Variants in LCT observed in about 807,000 individuals in gnomAD.
LCT encodes lactase/phlorizin hydrolase.
Under a neutral mutation model 173.0 loss-of-function variants are expected in LCT, and 90 were observed. The ratio of observed to expected loss-of-function variants is 0.52; its 90% CI spans 0.44 to 0.62. The LOEUF (loss-of-function observed/expected upper bound fraction) is 0.62. Ranked by LOEUF, LCT falls within the 20% of genes least tolerant of loss-of-function variation. The pLI is 0.00. For missense variants in LCT, 1,864 were observed against 2,431.4 expected, an observed-to-expected ratio of 0.77 and a Z score of 4.91; for synonymous variants, 853 against 957.6, an observed-to-expected ratio of 0.89 and a Z score of 2.02.
At chr2:135,792,359 T>C (rs759925899) in intron 14 of LCT, among the ~76,000 whole-genome samples, 1 of 152,130 alleles carries the variant, frequency 6.6e-6, no homozygotes, top group African/African-American at 2.4e-5. Flanking sequence ...GCTCAACTTA[T>C]TAATTTCAAC....
chr2:135,830,546 G>C (rs547938124), intron 2 of LCT, among the ~76,000 whole-genome samples: 1 of 152,326 alleles, frequency 6.6e-6, no homozygotes, highest in South Asian at 2.1e-4. Context: ...TGAATGCCTA[G>C]TGTTCCATTA....
intron 2 of LCT, among the ~76,000 whole-genome samples, chr2:135,831,893 T>TAA (rs2077944053): frequency 6.6e-6 from 1 of 152,206 alleles, no homozygotes; most frequent in African/African-American, 2.4e-5. Flanking sequence ...AGCTGTTCAC[T>TAA]TCCCAGATTA....
chr2:135,796,514 C>A (rs2077583841), intron 13 of LCT, among the ~76,000 whole-genome samples: 1 of 152,226 alleles, frequency 6.6e-6, no homozygotes, highest in Non-Finnish European at 1.5e-5. Flanking sequence ...ACCTCTAGGC[C>A]TGTCTTCACA....
chr2:135,795,357 G>A (rs998875043), intron 13 of LCT, among the ~76,000 whole-genome samples: 2 of 151,904 alleles, frequency 1.3e-5, no homozygotes, highest in African/African-American at 2.4e-5. Flanking sequence ...ACAAGCGCCT[G>A]CCACAACTCC....
In LCT at chr2:135,798,061, G is replaced by C; in HGVS notation, c.4944C>G (p.Asp1648Glu). ...TGTTGAGGCCTGCAGCCAAGCTCCT[G>C]TCACGGATCCGCGTCTTCATCACCT... The part of the protein sequence containing the change: ...YNEVMKTRIR[D>E]RSLAAGLNKS... The change falls in exon 13 of 17, where the codon GAC (aspartate) becomes GAG (glutamate). Residue 1648 changes from aspartate to glutamate, a missense_variant. Physicochemically the swap from Asp to Glu is conservative, Grantham distance 45 (BLOSUM62 2). Around this residue, in one of 4 missense-constraint regions of LCT, gnomAD observed 514 missense variants for 750.1 expected, o/e 0.69. Transcript: ENST00000264162. The C allele has an allele frequency of 6.2e-7, 1 of 1,612,386 alleles. No homozygotes were observed. The highest frequency in any genetic ancestry group is 1.1e-5 in the South Asian group (1 of 91,040).
rs942546288 is a variant in LCT at position 135,809,467 on chromosome 2, A to G, written c.2880T>C (p.Asp960=). Residue 960 remains aspartate, a synonymous_variant, in exon 8 of 17, where the codon GAT becomes GAC. Transcript: ENST00000264162. The surrounding 1 kb of genome is among the most constrained non-coding windows in gnomAD (Gnocchi z 5.5). ...DIACDSYHQL[D]ADLNMLRALK... is the part of the protein sequence containing the mutation. The stretch of plus-strand genomic sequence containing the variant: ...AAGCTCGGAGCATATTCAGATCGGC[A>G]TCCAGCTGGTGATAGCTGTCACAGG... 1.9e-6 allele frequency: 3 copies of G among 1,614,124 alleles called. No individual in the cohort carries two copies. The African/African-American group carries it at 4.0e-5, about 22-fold the overall frequency.
chr2:135,798,738 G>T (rs890377075), intron 12 of LCT, among the ~76,000 whole-genome samples: 2 of 152,220 alleles, frequency 1.3e-5, no homozygotes, highest in Admixed American at 6.5e-5. Flanking sequence ...GATGCTGGGG[G>T]TTTGAGAGCC....
intron 6 of LCT, among the ~76,000 whole-genome samples, chr2:135,816,563 A>G (rs2077782770): frequency 1.3e-5 from 2 of 152,204 alleles, no homozygotes; most frequent in Non-Finnish European, 2.9e-5. Flanking sequence ...GCTCTGATCA[A>G]ATTCCACCCT....
rs1379648021 is a variant in LCT at position 135,822,015 on chromosome 2, A to G, written c.986+5T>C. On this transcript the variant is annotated splice_donor_5th_base_variant and intron_variant, in intron 5 of 16. Transcript: ENST00000264162. ...TTGATAGTTCAATAGGCAACCTGAC[A>G]TTACCTTTTCTTGGAACTTGATGAA... 1.9e-6 allele frequency: 3 copies of G among 1,550,414 alleles called. No individual in the cohort carries two copies. The highest frequency in any genetic ancestry group is 1.4e-5 in the African/African-American group (1 of 73,628).
chr2:135,824,418 G>A (rs1393204438), intron 3 of LCT, among the ~76,000 whole-genome samples: 1 of 152,174 alleles, frequency 6.6e-6, no homozygotes, highest in Non-Finnish European at 1.5e-5. Context: ...GTGCATGCCT[G>A]TAGTTCCAGC....
At chr2:135,817,123 G>A (rs1166942777) in intron 6 of LCT, among the ~76,000 whole-genome samples, 1 of 152,000 alleles carries the variant, frequency 6.6e-6, no homozygotes, top group African/African-American at 2.4e-5. Flanking sequence ...TGCCTGCCTT[G>A]GCCTCCCACA....
rs55900419 is a variant in LCT, at chr2:135,835,482, GTATATATATATATA to G, written c.640+1034_640+1047del. 2.2e-3 allele frequency among the ~76,000 whole-genome samples: 150 copies of G among 67,966 alleles called. 3 individuals carry two copies. The highest frequency in any genetic ancestry group is 6.4e-3 in the South Asian group (14 of 2,180). The allele number at this position is 67,966 out of a possible 152,430, so 44.6% of individuals were successfully genotyped here. A position where few individuals can be genotyped will look rare whatever the true frequency, so the allele number is the denominator to read the frequency against. ...TAAAATGAAAAAGTAGAACATAGAA[GTATATATATATATA>G]TATATATATATATATATATATATAT... On this transcript the variant is annotated intron_variant, in intron 1 of 16. Transcript: ENST00000264162.
intron 16 of LCT, among the ~76,000 whole-genome samples, chr2:135,788,951 A>AAT (rs2077512756): frequency 6.6e-6 from 1 of 152,228 alleles, no homozygotes; most frequent in Non-Finnish European, 1.5e-5. Flanking sequence ...AATTCTATAC[A>AAT]ATATGTTAAA....
At chr2:135,832,744 A>T (rs1639042150) in intron 2 of LCT, among the ~76,000 whole-genome samples, 1 of 152,032 alleles carries the variant, frequency 6.6e-6, no homozygotes, top group South Asian at 2.1e-4. Flanking sequence ...TCCGCCTCCC[A>T]AAGTGCTGGG....
chr2:135,834,777 G>A (rs1305063085), intron 1 of LCT, among the ~76,000 whole-genome samples: 3 of 51,758 alleles, frequency 5.8e-5, no homozygotes, highest in South Asian at 1.1e-3. Flanking sequence ...AAAAGAGTGA[G>A]ACTCCATCTC....
chr2:135,793,383 A>G (rs557242387), intron 14 of LCT, among the ~76,000 whole-genome samples: 1 of 152,208 alleles, frequency 6.6e-6, no homozygotes, highest in Non-Finnish European at 1.5e-5. Context: ...CAATCACTGC[A>G]GTCTGGCTCT....
intron 5 of LCT, among the ~76,000 whole-genome samples, chr2:135,819,834 C>G (rs2077813180): frequency 6.6e-6 from 1 of 152,186 alleles, no homozygotes; most frequent in South Asian, 2.1e-4. Flanking sequence ...TCTTACCCAG[C>G]CCTCCTGGCC....
In LCT at chr2:135,803,988, C is replaced by T. The variant is rs776345874; in HGVS notation, c.4605G>A (p.Thr1535=). The change falls in exon 11 of 17, where the codon ACG becomes ACA. Residue 1535 remains threonine, a synonymous_variant. Transcript: ENST00000264162. ...RLGDKVKFWI[T]LNEPFVIAYQ... ...AAGCAATGACAAAGGGCTCATTCAG[C>T]GTGATCCAAAACTTCACCTTGTCTC... 31 of 1,614,066 alleles carry T rather than the reference C, an allele frequency of 1.9e-5. No homozygotes were observed. Among genetic ancestry groups the T allele is most frequent in the African/African-American group, 4.0e-5 (3 of 74,946 alleles).
chr2:135,834,647 A>T (rs1575351604), intron 1 of LCT, among the ~76,000 whole-genome samples: 1 of 150,768 alleles, frequency 6.6e-6, no homozygotes, highest in South Asian at 2.1e-4. Context: ...AATTAGCCAG[A>T]TGTGGTGGTG....
Sources: allele counts gnomAD v4.1 joint callset (sites outside exome capture counted in the v4.1 genomes callset), GRCh38; gene constraint gnomAD v4.1.1; regional missense constraint gnomAD v4.1.1; non-coding constraint Gnocchi (gnomAD v3.1); transcripts MANE v1.5; gene names NCBI Gene and HGNC (gene_info 2026-07-23, HGNC 2026-07-21).